Variants in MAP4K2 observed in about 807,000 individuals in gnomAD.
The protein encoded by MAP4K2 is mitogen-activated protein kinase kinase kinase kinase 2, also known as B lymphocyte serine/threonine protein kinase.
MAP4K2 carries 85 observed loss-of-function variants against 125.3 expected under a neutral mutation model. That is an observed-to-expected ratio of 0.68 (90% CI 0.57 to 0.81). MAP4K2 has a LOEUF of 0.81. Among genes scored for constraint, MAP4K2 ranks in the 40% least tolerant of loss-of-function variants. The probability of loss-of-function intolerance (pLI) is 0.00; values close to 1 mark genes in which losing one functional copy is unlikely to be tolerated. For missense variants in MAP4K2, 923 were observed against 1,056.4 expected (o/e 0.87, Z 1.75); for synonymous variants, 479 against 445.1 (o/e 1.08, Z -0.96).
intron 15 of MAP4K2, 151 bp from the exon 16 acceptor site, chr11:64,797,815 C>T (rs1190284408): frequency 6.1e-5 from 45 of 740,460 alleles, no homozygotes; most frequent in Non-Finnish European, 8.9e-5. Context: ...ACGCCATTCT[C>T]CTGCCTCAGC....
intron 27 of MAP4K2, 41 bp downstream of exon 27, chr11:64,791,867 TG>T: frequency 1.3e-6 from 2 of 1,497,922 alleles, no homozygotes; most frequent in Non-Finnish European, 1.8e-6. Flanking sequence ...CGGTCTCTCA[TG>T]CACACACACC....
chr11:64,788,608 TGG>T lies in MAP4K2; in HGVS notation c.*927_*928del. Reference sequence around the variant, plus strand: ...CAGGGCCTGGCACTGAGGCAGCCCTTGGGAGTCTGGTAGACGGACACAGGCTA... The same window carrying T: ...CAGGGCCTGGCACTGAGGCAGCCCTTGAGTCTGGTAGACGGACACAGGCTA... On this transcript the variant is annotated 3_prime_UTR_variant, in exon 32 of 32. Transcript: ENST00000294066. The T allele has an allele frequency of 6.6e-6, 1 of 152,144 alleles. No homozygotes were observed. The highest frequency in any genetic ancestry group is 1.5e-5 in the Non-Finnish European group (1 of 68,004). The allele number at this position is 152,144 out of a possible 1,614,324, so 9.4% of individuals were successfully genotyped here. A position where few individuals can be genotyped will look rare whatever the true frequency, so the allele number is the denominator to read the frequency against.
chr11:64,792,474 G>A (rs1288710069), intron 24 of MAP4K2, 52 bp from the exon 25 acceptor site: 10 of 1,488,640 alleles, frequency 6.7e-6, no homozygotes, highest in Non-Finnish European at 9.2e-6. Flanking sequence ...CATGGGCAAG[G>A]CCCCTGCAGA....
At chr11:64,802,170 A>C (rs1046445986) in intron 4 of MAP4K2, 49 bp from the exon 5 acceptor site, 1 of 1,531,716 alleles carries the variant, frequency 6.5e-7, no homozygotes, top group Non-Finnish European at 9.0e-7. Flanking sequence ...GGTCATGCCC[A>C]CCCTCCCAGG....
At chr11:64,793,088 T>A (rs1035864870) in intron 24 of MAP4K2, among the ~76,000 whole-genome samples, 2 of 152,038 alleles carry the variant, frequency 1.3e-5, no homozygotes, top group Admixed American at 6.6e-5. Context: ...TGGTGGCGCG[T>A]GCCTGTAATC....
intron 24 of MAP4K2, among the ~76,000 whole-genome samples, chr11:64,796,037 C>G (rs1203539332): frequency 1.3e-5 from 2 of 152,246 alleles, no homozygotes; most frequent in African/African-American, 4.8e-5. Context: ...CACATCCGAA[C>G]AACCACAGCT....
Position 64,786,308 on chromosome 11 carries a change from T to C in MAP4K2, c.*3229A>G, listed in dbSNP as rs1940196100. ...ACAGCCCTGCAGTTGGCTTTGGATATGGTAAACCTAAGGAAAGTAAAGCTC... is the reference window on the plus strand; with the variant it reads ...ACAGCCCTGCAGTTGGCTTTGGATACGGTAAACCTAAGGAAAGTAAAGCTC... On this transcript the variant is annotated 3_prime_UTR_variant, in exon 32 of 32. Transcript: ENST00000294066. 6.6e-6 allele frequency: 1 copy of C among 152,226 alleles called. No individual in the cohort carries two copies. Among genetic ancestry groups the C allele is most frequent in the Non-Finnish European group, 1.5e-5 (1 of 68,036 alleles). 9.4% of individuals were successfully genotyped at this position (152,226 alleles called of 1,614,324 possible).
chr11:64,798,340 A>C (rs916086237), intron 15 of MAP4K2, among the ~76,000 whole-genome samples: 1 of 150,808 alleles, frequency 6.6e-6, no homozygotes, highest in African/African-American at 2.4e-5. Context: ...AATTTTTTCT[A>C]TTTTTACTAG....
chr11:64,800,199 C>T lies in MAP4K2; in HGVS notation c.825G>A (p.Gln275=), dbSNP rs1440767936. The T allele has an allele frequency of 6.2e-7, 1 of 1,613,200 alleles. No homozygotes were observed. Among genetic ancestry groups the T allele is most frequent in the Non-Finnish European group, 8.5e-7 (1 of 1,179,860 alleles). The part of the protein sequence containing the change: ...EKLLQHPFTT[Q]QLPRALLTQL... ...GTGTGAGGAGGGCCCGAGGGAGCTG[C>T]TGAGTCGTGAACGGGTGCTGGAAAG... Residue 275 remains glutamine (Q), a synonymous_variant, in exon 12 of 32, where the codon CAG becomes CAA. Transcript: ENST00000294066.
At position 64,796,349 on chromosome 11, in the gene MAP4K2, A is replaced by C. The variant is rs1229623916; in HGVS notation, c.1675T>G (p.Phe559Val). 6.4e-7 allele frequency: 1 copy of C among 1,571,494 alleles called. No homozygotes were observed. Among genetic ancestry groups the C allele is most frequent in the Non-Finnish European group, 8.6e-7 (1 of 1,157,804 alleles). The part of the protein sequence containing the change: ...HIWAHDLPGL[F>V]EQRRLQQQVP... ...TGTTGCTGTAGCCTCCGCTGCTCAA[A>C]CAGGCCTGGGAGGTCATGGGCCCAG... Residue 559 changes from phenylalanine (F) to valine (V), a missense_variant, in exon 24 of 32, where the codon TTT becomes GTT. Coordinates refer to ENST00000294066, the MANE Select transcript of MAP4K2 (RefSeq NM_004579.5).
At chr11:64,792,128 C>CA in intron 26 of MAP4K2, 42 bp from the exon 27 acceptor site, 1 of 1,583,694 alleles carries the variant, frequency 6.3e-7, no homozygotes, top group Non-Finnish European at 8.6e-7. Context: ...TTTCTCCCCC[C>CA]AGAGCTCTGA....
rs1322006490 is a variant in MAP4K2 at position 64,796,395 on chromosome 11, A to G, written c.1634-5T>C. 1 of 1,610,940 alleles carries G rather than the reference A, an allele frequency of 6.2e-7. No homozygotes were observed. The highest frequency in any genetic ancestry group is 1.7e-5 in the Admixed American group (1 of 59,780). ...CCCAGATGTGCGTGGATTTCCCTGCAGAAACAGGAAGAGGCCAGGCCTGGG... is the reference window on the plus strand; with the variant it reads ...CCCAGATGTGCGTGGATTTCCCTGCGGAAACAGGAAGAGGCCAGGCCTGGG... On this transcript the variant is annotated splice_region_variant and splice_polypyrimidine_tract_variant and intron_variant, in intron 23 of 31. Coordinates refer to ENST00000294066, the MANE Select transcript of MAP4K2 (RefSeq NM_004579.5).
chr11:64,801,944 ACCTACAGCC>A, intron 5 of MAP4K2, 113 bp downstream of exon 5: 1 of 1,180,632 alleles, frequency 8.5e-7, no homozygotes, highest in Non-Finnish European at 1.2e-6. Context: ...TTTCCCCAGG[ACCTACAGCC>A]CCTCGGGCCA....
chr11:64,798,772 A>G (rs575604047), intron 15 of MAP4K2, 22 bp downstream of exon 15: 1 of 1,612,880 alleles, frequency 6.2e-7, no homozygotes, highest in East Asian at 2.2e-5. Context: ...CACCCCCTGC[A>G]GCTTCCCCAT....
At position 64,801,529 on chromosome 11, in the gene MAP4K2, G is replaced by C. The variant is rs200561872; in HGVS notation, c.457+50C>G. 7 of 1,605,272 alleles carry C rather than the reference G, an allele frequency of 4.4e-6. No homozygotes were observed. The South Asian group carries it at 7.7e-5, about 18-fold the overall frequency. ...CCCAACCCTTGAGTCCAGGGTAGCCGGGGAGGGTCCACAGAGCCCTCACCC... is the reference window on the plus strand; with the variant it reads ...CCCAACCCTTGAGTCCAGGGTAGCCCGGGAGGGTCCACAGAGCCCTCACCC... On this transcript the variant is annotated intron_variant, in intron 7 of 31. Transcript: ENST00000294066.
rs1941187433 is a variant in MAP4K2, at chr11:64,801,755, C to A, written c.369G>T (p.Gly123=). The A allele has an allele frequency of 1.2e-6, 2 of 1,613,132 alleles. No homozygotes were observed. Among genetic ancestry groups the A allele is most frequent in the South Asian group, 1.1e-5 (1 of 91,074 alleles). ...TCCCCTGAGAATGCAGGTGGTGGAGCCCCTGGCGACAAAGAGGAGTCCCTG... is the reference window on the plus strand; with the variant it reads ...TCCCCTGAGAATGCAGGTGGTGGAGACCCTGGCGACAAAGAGGAGTCCCTG... The part of the protein sequence containing the change: ...IAYVCREALK[G]LHHLHSQGKI... The change falls in exon 6 of 32, where the codon GGG becomes GGT. Residue 123 remains glycine, a splice_region_variant and synonymous_variant. Transcript: ENST00000294066.
intron 7 of MAP4K2, 116 bp from the exon 8 acceptor site, chr11:64,801,299 G>C: frequency 7.7e-7 from 1 of 1,298,240 alleles, no homozygotes; most frequent in Non-Finnish European, 1.1e-6. Flanking sequence ...GGCCCCGCTT[G>C]GTCACAGCTG....
In MAP4K2 at chr11:64,790,465, GC is replaced by G; in HGVS notation, c.2093-4del. On this transcript the variant is annotated splice_polypyrimidine_tract_variant and splice_region_variant and intron_variant, in intron 27 of 31. Coordinates refer to ENST00000294066, the MANE Select transcript of MAP4K2 (RefSeq NM_004579.5). ...CTGGGCCGAGCCTGGGATCCCCTCTGCAGGCAGAGAAGAGAGACATGGCCTG... is the reference window on the plus strand; with the variant it reads ...CTGGGCCGAGCCTGGGATCCCCTCTGAGGCAGAGAAGAGAGACATGGCCTG... 6.2e-7 allele frequency: 1 copy of G among 1,613,794 alleles called. No individual in the cohort carries two copies. The highest frequency in any genetic ancestry group is 8.5e-7 in the Non-Finnish European group (1 of 1,179,936).
chr11:64,793,439 G>A (rs1940617724), intron 24 of MAP4K2, among the ~76,000 whole-genome samples: 1 of 152,180 alleles, frequency 6.6e-6, no homozygotes, highest in Non-Finnish European at 1.5e-5. Context: ...GGCTTGCCTT[G>A]CTGTCGGGGT....
Sources: gnomAD v4.1 joint callset for allele counts (sites outside exome capture counted in the v4.1 genomes callset) on GRCh38, gnomAD v4.1.1 for gene constraint, MANE v1.5 for transcripts, NCBI Gene and HGNC (gene_info 2026-07-23, HGNC 2026-07-21) for gene names.